The following DGLUCY variants were observed in gnomAD, a reference collection of about 807,000 sequenced individuals.
The protein encoded by DGLUCY is D-glutamate cyclase, mitochondrial.
In DGLUCY, 58 loss-of-function variants were observed where a neutral mutation model predicts 58.5. The ratio of observed to expected loss-of-function variants is 0.99; its 90% CI spans 0.80 to 1.23. The LOEUF (loss-of-function observed/expected upper bound fraction) is 1.23. DGLUCY is among the 50% of genes most tolerant of loss of function. The pLI, the probability that DGLUCY is intolerant of heterozygous loss-of-function variation, is 0.00. For synonymous variants in DGLUCY, 325 were observed against 314.1 expected (o/e 1.03, Z -0.37); for missense variants, 779 against 784.7 (o/e 0.99, Z 0.09).
chr14:91,177,108 C>A (rs2048903785), intron 7 of DGLUCY, among the ~76,000 whole-genome samples: 1 of 152,136 alleles, frequency 6.6e-6, no homozygotes, highest in Non-Finnish European at 1.5e-5. Context: ...AAGTGATCCT[C>A]CCATCTCAGC....
At chr14:91,200,018 G>A (rs1340852738) in intron 11 of DGLUCY, 113 bp downstream of exon 11, 17 of 1,377,496 alleles carry the variant, frequency 1.2e-5, no homozygotes, top group South Asian at 5.2e-5. Context: ...GCAGTGGCAC[G>A]ATCTTGGCTC....
At chr14:91,097,760 A>G (rs998378928) in intron 1 of DGLUCY, among the ~76,000 whole-genome samples, 1 of 148,502 alleles carries the variant, frequency 6.7e-6, no homozygotes, top group East Asian at 2.0e-4. Context: ...TGCAACCTCC[A>G]TCTCCTGGGT....
intron 12 of DGLUCY, among the ~76,000 whole-genome samples, chr14:91,205,754 C>CTCTTCTTCTTCTTCTTCT (rs34299453): frequency 0.032 from 4,147 of 129,770 alleles, 142 homozygotes; most frequent in African/African-American, 0.039. Flanking sequence ...CCAGGGCATT[C>CTCTTCTTCTTCTTCTTCT]TCTTCTTCTT....
intron 1 of DGLUCY, among the ~76,000 whole-genome samples, chr14:91,152,162 G>A (rs897401148): frequency 2.6e-5 from 4 of 152,304 alleles, no homozygotes; most frequent in Admixed American, 2.0e-4. Context: ...CAAGGCAGGA[G>A]GATCGCTTGA....
At chr14:91,179,324 C>G (rs1350150183) in intron 7 of DGLUCY, among the ~76,000 whole-genome samples, 3 of 152,196 alleles carry the variant, frequency 2.0e-5, no homozygotes, top group Non-Finnish European at 4.4e-5. Flanking sequence ...GTGGCTCATG[C>G]CTGTAATCCC....
chr14:91,069,281 T>C (rs1455859336), intron 1 of DGLUCY, among the ~76,000 whole-genome samples: 1 of 152,198 alleles, frequency 6.6e-6, no homozygotes, highest in Non-Finnish European at 1.5e-5. Flanking sequence ...ATTTATTGTT[T>C]ATTTTCTATT....
intron 13 of DGLUCY, among the ~76,000 whole-genome samples, chr14:91,222,115 T>C (rs1887608631): frequency 1.3e-5 from 2 of 152,206 alleles, no homozygotes; most frequent in African/African-American, 4.8e-5. Context: ...TGCAGTGGCC[T>C]TCAGGCGCCC....
intron 1 of DGLUCY, among the ~76,000 whole-genome samples, chr14:91,132,541 C>T (rs781517182): frequency 2.0e-5 from 3 of 151,532 alleles, no homozygotes; most frequent in Non-Finnish European, 1.5e-5. Flanking sequence ...TGCAGTGGCA[C>T]GATCTTGGCT....
chr14:91,074,960 T>C (rs2043995232), intron 1 of DGLUCY, among the ~76,000 whole-genome samples: 1 of 151,660 alleles, frequency 6.6e-6, no homozygotes, highest in African/African-American at 2.4e-5. Context: ...TAATCCCAGC[T>C]ATTCAGGAGG....
At chr14:91,163,096 A>G (rs2048083193) in intron 3 of DGLUCY, among the ~76,000 whole-genome samples, 2 of 151,906 alleles carry the variant, frequency 1.3e-5, no homozygotes, top group Non-Finnish European at 2.9e-5. Context: ...TGTCTCTACT[A>G]AAGATACAAA....
chr14:91,179,071 A>G (rs1199981764), intron 7 of DGLUCY, among the ~76,000 whole-genome samples: 8 of 152,118 alleles, frequency 5.3e-5, no homozygotes, highest in African/African-American at 1.9e-4. Flanking sequence ...AGATTTATTT[A>G]CTCAATTCAC....
chr14:91,077,806 AAGG>A (rs2044052805), intron 1 of DGLUCY, among the ~76,000 whole-genome samples: 5 of 150,716 alleles, frequency 3.3e-5, no homozygotes, highest in South Asian at 4.2e-4. Flanking sequence ...GGAAAGAAGA[AAGG>A]AGAGAGAGAA....
intron 1 of DGLUCY, among the ~76,000 whole-genome samples, chr14:91,155,690 G>A (rs529462614): frequency 4.3e-4 from 65 of 151,956 alleles, no homozygotes; most frequent in Non-Finnish European, 8.1e-4. Context: ...CAGCTACTCA[G>A]GGGACTGAGG....
At chr14:91,202,110 C>T (rs2140605431) in intron 11 of DGLUCY, among the ~76,000 whole-genome samples, 1 of 106,566 alleles carries the variant, frequency 9.4e-6, no homozygotes, top group East Asian at 3.2e-4. Flanking sequence ...TTGCACAAAA[C>T]TTTGTACTTT....
intron 1 of DGLUCY, among the ~76,000 whole-genome samples, chr14:91,102,918 T>G (rs1339698633): frequency 6.6e-6 from 1 of 151,986 alleles, no homozygotes; most frequent in Admixed American, 6.6e-5. Flanking sequence ...CCCCCCATCA[T>G]GACTGGCTAA....
upstream of DGLUCY, among the ~76,000 whole-genome samples, chr14:91,106,543 C>G (rs1314734739): frequency 6.6e-6 from 1 of 151,836 alleles, no homozygotes; most frequent in Non-Finnish European, 1.5e-5. Flanking sequence ...CCCGTCTCTA[C>G]TAAAAATACA....
chr14:91,217,562 G>A (rs147981991), intron 13 of DGLUCY, among the ~76,000 whole-genome samples: 1,587 of 148,268 alleles, frequency 0.011, 10 homozygotes, highest in Non-Finnish European at 0.013. Context: ...TCGGCTCACC[G>A]CAACCTCCAC....
intron 13 of DGLUCY, among the ~76,000 whole-genome samples, chr14:91,222,251 G>A (rs940228217): frequency 6.6e-6 from 1 of 152,208 alleles, no homozygotes; most frequent in Non-Finnish European, 1.5e-5. Context: ...GCTGGTCCCT[G>A]TGTCTCTTGG....
chr14:91,219,696 G>T (rs143014061), intron 13 of DGLUCY, among the ~76,000 whole-genome samples: 1 of 152,336 alleles, frequency 6.6e-6, no homozygotes, highest in African/African-American at 2.4e-5. Context: ...CTTGGCCCAG[G>T]GGCACCTTAA....
Sources: allele counts gnomAD v4.1 joint callset (sites outside exome capture counted in the v4.1 genomes callset), GRCh38; gene constraint gnomAD v4.1.1; transcripts MANE v1.5; gene names NCBI Gene and HGNC (gene_info 2026-07-23, HGNC 2026-07-21).